The following OLFM3 variants were observed in gnomAD, a reference collection of about 807,000 sequenced individuals.
The protein encoded by OLFM3 is olfactomedin 3, also known as noelin-3.
Under a neutral mutation model 48.6 loss-of-function variants are expected in OLFM3, and 20 were observed. The ratio of observed to expected loss-of-function variants is 0.41; its 90% CI spans 0.29 to 0.60. The LOEUF is 0.60. Among genes scored for constraint, OLFM3 ranks in the 20% least tolerant of loss-of-function variants. The pLI is 0.28. For missense variants in OLFM3, 437 were observed against 544.3 expected (o/e 0.80, Z 1.96); for synonymous variants, 222 against 198.1 (o/e 1.12, Z -1.01).
At chr1:101,855,857 A>C (rs1467530922) in intron 1 of OLFM3, among the ~76,000 whole-genome samples, 2 of 152,104 alleles carry the variant, frequency 1.3e-5, no homozygotes, top group Non-Finnish European at 2.9e-5. Context: ...ATCAGAAAGG[A>C]GACTGTTTCA....
intron 1 of OLFM3, among the ~76,000 whole-genome samples, chr1:101,960,143 A>G (rs1420141423): frequency 6.6e-6 from 1 of 152,194 alleles, no homozygotes; most frequent in Non-Finnish European, 1.5e-5. Context: ...TGTGTACCAA[A>G]AGCACTAGCA....
chr1:101,928,091 T>C (rs1659329833), intron 1 of OLFM3, among the ~76,000 whole-genome samples: 1 of 152,128 alleles, frequency 6.6e-6, no homozygotes, highest in Non-Finnish European at 1.5e-5. Context: ...AAATATTTTT[T>C]GAATGAATGA....
intron 3 of OLFM3, among the ~76,000 whole-genome samples, chr1:101,830,221 T>G (rs987319974): frequency 1.3e-5 from 2 of 152,196 alleles, no homozygotes; most frequent in African/African-American, 2.4e-5. Flanking sequence ...ATTTTCAGTA[T>G]TTGTAAATAA....
intron 1 of OLFM3, among the ~76,000 whole-genome samples, chr1:101,842,044 G>C (rs186850382): frequency 6.6e-6 from 1 of 152,232 alleles, no homozygotes; most frequent in East Asian, 1.9e-4. Context: ...GACAGACCAC[G>C]CCAAAAGAAG....
chr1:101,968,422 G>A (rs897740081), intron 1 of OLFM3, among the ~76,000 whole-genome samples: 8 of 150,562 alleles, frequency 5.3e-5, no homozygotes, highest in African/African-American at 1.5e-4. Flanking sequence ...ATCATGTTTA[G>A]TCCATAGTGT....
rs183666217 is a variant in OLFM3, at chr1:101,962,003, T to G, written c.69+34745A>C. ...TAACACTTCTGTCAACATTTTTCAT[T>G]TTATTCACCAAAATCTTCAAATTAC... On this transcript the variant is annotated intron_variant, in intron 1 of 5. Coordinates refer to ENST00000370103, the MANE Select transcript of OLFM3 (RefSeq NM_058170.4). Among the ~76,000 whole-genome samples, 434 of 152,302 alleles carry G rather than the reference T, an allele frequency of 2.8e-3. 1 individual carries two copies. The highest frequency in any genetic ancestry group is 4.8e-3 in the Non-Finnish European group (328 of 68,020).
At chr1:101,877,794 A>T (rs1657360504) in intron 1 of OLFM3, among the ~76,000 whole-genome samples, 1 of 151,826 alleles carries the variant, frequency 6.6e-6, no homozygotes, top group Admixed American at 6.6e-5. Context: ...TTGGTCTTTA[A>T]TGAAGCATTT....
intron 1 of OLFM3, chr1:101,846,841 T>G: frequency 6.2e-7 from 1 of 1,608,938 alleles, no homozygotes; most frequent in Non-Finnish European, 8.5e-7. Flanking sequence ...CCGCAGTAAC[T>G]TACTAAGGTA....
intron 1 of OLFM3, among the ~76,000 whole-genome samples, chr1:101,864,780 C>G (rs1415160800): frequency 6.6e-6 from 1 of 152,148 alleles, no homozygotes; most frequent in African/African-American, 2.4e-5. Context: ...GCTGTAAATC[C>G]TTTACCTCAA....
chr1:101,984,464 C>T (rs775580980), intron 1 of OLFM3, among the ~76,000 whole-genome samples: 4 of 152,130 alleles, frequency 2.6e-5, no homozygotes, highest in Non-Finnish European at 5.9e-5. Flanking sequence ...GAGGCGCCAT[C>T]TTGGCTCACT....
At chr1:101,835,845 G>C (rs902761786) in intron 2 of OLFM3, among the ~76,000 whole-genome samples, 2 of 152,096 alleles carry the variant, frequency 1.3e-5, no homozygotes, top group African/African-American at 4.8e-5. Context: ...TAAAATCTTA[G>C]AGCATCAATA....
At chr1:101,956,979 A>G (rs1660316857) in intron 1 of OLFM3, among the ~76,000 whole-genome samples, 1 of 151,814 alleles carries the variant, frequency 6.6e-6, no homozygotes, top group Non-Finnish European at 1.5e-5. Context: ...TAGGATCTCT[A>G]ATAGCAGAAA....
chr1:101,856,787 G>C lies in OLFM3; in HGVS notation c.70-19762C>G, dbSNP rs576479457. On this transcript the variant is annotated intron_variant, in intron 1 of 5. Transcript: ENST00000370103. ...TATTCTGAAAATTTAAGATTAATAT[G>C]ATACAGCCTTCTGAGTATTTCATCA... 3.9e-5 allele frequency among the ~76,000 whole-genome samples: 6 copies of C among 152,014 alleles called. No homozygotes were observed. The East Asian group carries it at 1.2e-3, about 29-fold the overall frequency.
chr1:101,825,772 A>T (rs906645218), intron 3 of OLFM3, among the ~76,000 whole-genome samples: 6 of 152,148 alleles, frequency 3.9e-5, no homozygotes, highest in Admixed American at 6.6e-5. Flanking sequence ...GACACTTAGA[A>T]TTTTTCCATC....
intron 1 of OLFM3, chr1:101,860,078 G>A (rs1477524083): frequency 6.6e-6 from 1 of 152,084 alleles, no homozygotes; most frequent in African/African-American, 2.4e-5. Context: ...TAGACAATAA[G>A]GAGGCACAAC....
intron 1 of OLFM3, among the ~76,000 whole-genome samples, chr1:101,957,165 G>C (rs1453508708): frequency 2.0e-5 from 3 of 151,854 alleles, no homozygotes; most frequent in Non-Finnish European, 2.9e-5. Flanking sequence ...CAATTACATA[G>C]CTATGGTTTT....
intron 1 of OLFM3, chr1:101,846,854 C>T (rs780993644): frequency 6.2e-7 from 1 of 1,611,524 alleles, no homozygotes; most frequent in Admixed American, 1.7e-5. Context: ...CTAAGGTATC[C>T]GGAGTCGACA....
intron 1 of OLFM3, among the ~76,000 whole-genome samples, chr1:101,918,435 G>T (rs2101035523): frequency 6.6e-6 from 1 of 152,184 alleles, no homozygotes; most frequent in Non-Finnish European, 1.5e-5. Context: ...TCACTTCCTT[G>T]TCTTTTCAGC....
intron 1 of OLFM3, among the ~76,000 whole-genome samples, chr1:101,958,347 T>C (rs956591504): frequency 6.6e-6 from 1 of 152,102 alleles, no homozygotes; most frequent in African/African-American, 2.4e-5. Flanking sequence ...TCAGTTGTTC[T>C]TTTCTACACT....
Sources: allele counts gnomAD v4.1 joint callset (sites outside exome capture counted in the v4.1 genomes callset), GRCh38; gene constraint gnomAD v4.1.1; transcripts MANE v1.5; gene names NCBI Gene and HGNC (gene_info 2026-07-23, HGNC 2026-07-21).